The following CALCR variants were observed in gnomAD, a reference collection of about 807,000 sequenced individuals.
CALCR encodes calcitonin receptor.
In CALCR, 47 loss-of-function variants were observed where a neutral mutation model predicts 59.5. The observed-to-expected ratio is 0.79, with a 90% CI of 0.63 to 1.01. The LOEUF (loss-of-function observed/expected upper bound fraction) is 1.01, where lower values mean the gene tolerates loss of function less well. Among genes scored for constraint, CALCR ranks in the 50% least tolerant of loss-of-function variants. The pLI is 0.00. For missense variants in CALCR, 566 were observed against 597.1 expected, an observed-to-expected ratio of 0.95 and a Z score of 0.54; for synonymous variants, 213 against 211.3, an observed-to-expected ratio of 1.01 and a Z score of -0.07.
chr7:93,544,129 A>AAAAAAAACTAT (rs780859783), intron 2 of CALCR, among the ~76,000 whole-genome samples: 150 of 152,102 alleles, frequency 9.9e-4, no homozygotes, highest in Non-Finnish European at 1.5e-3. Flanking sequence ...AGTAACTTTT[A>AAAAAAAACTAT]ATTTTGTTAA....
Position 93,479,356 on chromosome 7 carries a change from TCTC to T in CALCR, c.200_202del (p.Gly67del), listed in dbSNP as rs1562990061. On this transcript the variant is annotated inframe_deletion, in exon 4 of 14. Transcript: ENST00000426151. ...TTCATATATATCCTTCTCTTTACCT[TCTC>T]CTTGGTATGCGGGTAACTGCTGCAT... 14 of 1,606,638 alleles carry T rather than the reference TCTC, an allele frequency of 8.7e-6. No homozygotes were observed. The highest frequency in any genetic ancestry group is 1.0e-5 in the Non-Finnish European group (12 of 1,176,998).
At chr7:93,428,572 G>A (rs1217493197) in intron 13 of CALCR, among the ~76,000 whole-genome samples, 1 of 152,102 alleles carries the variant, frequency 6.6e-6, no homozygotes, top group Non-Finnish European at 1.5e-5. Flanking sequence ...AGGCCGAGGC[G>A]GGCAGATCAT....
chr7:93,501,206 C>T (rs146188757), intron 2 of CALCR, among the ~76,000 whole-genome samples: 15 of 152,038 alleles, frequency 9.9e-5, no homozygotes, highest in African/African-American at 3.4e-4. Context: ...TCTGATCTGA[C>T]GAACTTTATC....
intron 2 of CALCR, among the ~76,000 whole-genome samples, chr7:93,490,376 C>G (rs1019336190): frequency 6.6e-6 from 1 of 151,790 alleles, no homozygotes; most frequent in Non-Finnish European, 1.5e-5. Flanking sequence ...TGCTCCTATT[C>G]AACATGGTAT....
At chr7:93,530,053 A>G (rs1053635252) in intron 2 of CALCR, among the ~76,000 whole-genome samples, 7 of 152,176 alleles carry the variant, frequency 4.6e-5, no homozygotes, top group African/African-American at 1.4e-4. Flanking sequence ...ACAAAGATAT[A>G]CTAAAAGGTA....
chr7:93,442,188 G>A lies in CALCR; in HGVS notation c.802+1416C>T, dbSNP rs564601782. Among the ~76,000 whole-genome samples, 5 of 152,300 alleles carry A rather than the reference G, an allele frequency of 3.3e-5. No individual in the cohort carries two copies. In the East Asian group the frequency reaches 9.7e-4, roughly 29 times the overall value. The stretch of plus-strand genomic sequence containing the variant: ...CTGCTCCCAGGCTACAGCCCTTTTA[G>A]TTGCCTGGCTATATTTCTGCCCTTA... On this transcript the variant is annotated intron_variant, in intron 9 of 13. Coordinates refer to ENST00000426151, the MANE Select transcript of CALCR (RefSeq NM_001742.4).
At chr7:93,460,088 C>A (rs371052941) in intron 8 of CALCR, among the ~76,000 whole-genome samples, 6 of 152,172 alleles carry the variant, frequency 3.9e-5, no homozygotes, top group South Asian at 4.1e-4. Context: ...GGGCCAAGCC[C>A]AACTTGGCAA....
intron 8 of CALCR, among the ~76,000 whole-genome samples, chr7:93,459,036 CT>C (rs1800264680): frequency 6.6e-6 from 1 of 152,032 alleles, no homozygotes; most frequent in South Asian, 2.1e-4. Flanking sequence ...TACTTGGGGA[CT>C]TTTTGGGATG....
At chr7:93,519,578 A>G (rs1801716644) in intron 2 of CALCR, among the ~76,000 whole-genome samples, 1 of 152,092 alleles carries the variant, frequency 6.6e-6, no homozygotes, top group Non-Finnish European at 1.5e-5. Flanking sequence ...TTCATTATCT[A>G]TATTATTATT....
intron 2 of CALCR, among the ~76,000 whole-genome samples, chr7:93,502,996 T>C (rs1292584107): frequency 6.6e-6 from 1 of 152,180 alleles, no homozygotes; most frequent in Non-Finnish European, 1.5e-5. Flanking sequence ...ATGTAGATAC[T>C]ATTATTGTTA....
chr7:93,462,161 T>C, intron 7 of CALCR: 2 of 968,886 alleles, frequency 2.1e-6, no homozygotes, highest in Non-Finnish European at 3.1e-6. Flanking sequence ...GAGCATATTT[T>C]AACTATTATA....
At chr7:93,474,175 T>TA (rs1215532769) in intron 5 of CALCR, among the ~76,000 whole-genome samples, 1 of 151,698 alleles carries the variant, frequency 6.6e-6, no homozygotes, top group African/African-American at 2.4e-5. Flanking sequence ...AGATTCTGGG[T>TA]AAAGTGCATG....
intron 13 of CALCR, among the ~76,000 whole-genome samples, chr7:93,430,599 A>G (rs1264724541): frequency 1.3e-5 from 2 of 152,180 alleles, no homozygotes; most frequent in African/African-American, 2.4e-5. Flanking sequence ...TCTTAAATAA[A>G]ATTTCCTACA....
chr7:93,442,365 G>T (rs1045277198), intron 9 of CALCR, among the ~76,000 whole-genome samples: 1 of 152,058 alleles, frequency 6.6e-6, no homozygotes, highest in Non-Finnish European at 1.5e-5. Context: ...ACCATTATCG[G>T]ATTATCCCAT....
intron 2 of CALCR, among the ~76,000 whole-genome samples, chr7:93,538,713 T>C (rs1180308577): frequency 6.6e-6 from 1 of 152,156 alleles, no homozygotes; most frequent in East Asian, 1.9e-4. Context: ...TAGGTGTACA[T>C]GCTCAAGACT....
intron 8 of CALCR, among the ~76,000 whole-genome samples, chr7:93,455,155 A>G (rs1349789851): frequency 1.3e-5 from 2 of 151,992 alleles, no homozygotes; most frequent in Admixed American, 1.3e-4. Context: ...AACAACAAAC[A>G]CACAAAACCC....
intron 8 of CALCR, among the ~76,000 whole-genome samples, chr7:93,448,372 A>T (rs1800044978): frequency 6.6e-6 from 1 of 152,022 alleles, no homozygotes; most frequent in South Asian, 2.1e-4. Context: ...TAAAAATAAC[A>T]GCCATATGTT....
intron 2 of CALCR, among the ~76,000 whole-genome samples, chr7:93,491,923 A>G (rs1484291446): frequency 2.0e-5 from 3 of 151,942 alleles, no homozygotes; most frequent in African/African-American, 7.2e-5. Context: ...AGGAATGCAA[A>G]TCATTCAACT....
At chr7:93,552,530 C>T (rs1029358372) in intron 2 of CALCR, among the ~76,000 whole-genome samples, 1 of 152,036 alleles carries the variant, frequency 6.6e-6, no homozygotes, top group Non-Finnish European at 1.5e-5. Context: ...CATTGATAGG[C>T]TATATTTTAT....
Sources: gnomAD v4.1 joint callset for allele counts (sites outside exome capture counted in the v4.1 genomes callset) on GRCh38, gnomAD v4.1.1 for gene constraint, MANE v1.5 for transcripts, NCBI Gene and HGNC (gene_info 2026-07-23, HGNC 2026-07-21) for gene names.